The following HS6ST3 variants were observed in gnomAD, a reference collection of about 807,000 sequenced individuals.
The protein encoded by HS6ST3 is heparan-sulfate 6-O-sulfotransferase 3.
In HS6ST3, 12 loss-of-function variants were observed where a neutral mutation model predicts 36.7. The ratio of observed to expected loss-of-function variants is 0.33; its 90% CI spans 0.21 to 0.53. The LOEUF (loss-of-function observed/expected upper bound fraction) is 0.53. HS6ST3 is among the 20% of genes least tolerant of loss of function. The pLI is 0.95. For missense variants in HS6ST3, 584 were observed against 640.9 expected (o/e 0.91, Z 0.96); for synonymous variants, 240 against 257.5 (o/e 0.93, Z 0.65).
intron 1 of HS6ST3, among the ~76,000 whole-genome samples, chr13:96,741,373 A>G (rs1343623452): frequency 6.6e-6 from 1 of 152,192 alleles, no homozygotes; most frequent in African/African-American, 2.4e-5. Flanking sequence ...ATAAAGATCA[A>G]ATGTAATCAT....
chr13:96,675,970 C>T (rs2056697637), intron 1 of HS6ST3, among the ~76,000 whole-genome samples: 1 of 152,062 alleles, frequency 6.6e-6, no homozygotes, highest in Non-Finnish European at 1.5e-5. Flanking sequence ...CCTGGCCACC[C>T]TATAGGGTCA....
chr13:96,324,675 C>A (rs1229343431), intron 1 of HS6ST3, among the ~76,000 whole-genome samples: 1 of 152,106 alleles, frequency 6.6e-6, no homozygotes, highest in Non-Finnish European at 1.5e-5. Context: ...TGACTGGTAT[C>A]TTTATGAAAA....
chr13:96,097,510 A>G lies in HS6ST3; in HGVS notation c.707+5941A>G, dbSNP rs1310158524. Among the ~76,000 whole-genome samples, 5 of 152,328 alleles carry G rather than the reference A, an allele frequency of 3.3e-5. No individual in the cohort carries two copies. In the East Asian group the frequency reaches 5.8e-4, roughly 18 times the overall value. ...TGGAAAATCCAAATTAATATTTTGT[A>G]GTAATCACTTATCTTGTTTTTGAGT... is the stretch of plus-strand genomic sequence containing the variant. On this transcript the variant is annotated intron_variant, in intron 1 of 1. Coordinates refer to ENST00000376705, the MANE Select transcript of HS6ST3 (RefSeq NM_153456.4).
At chr13:96,752,547 A>G (rs888519823) in intron 1 of HS6ST3, among the ~76,000 whole-genome samples, 9 of 152,166 alleles carry the variant, frequency 5.9e-5, no homozygotes, top group Non-Finnish European at 1.0e-4. Flanking sequence ...TTCCCTAATT[A>G]CTAGCTGAGT....
chr13:96,818,862 A>G (rs16953600), intron 1 of HS6ST3, among the ~76,000 whole-genome samples: 2,776 of 152,332 alleles, frequency 0.018, 77 homozygotes, highest in African/African-American at 0.063. Context: ...AAAAGTCTAC[A>G]AGGGTTGTAT....
intron 1 of HS6ST3, among the ~76,000 whole-genome samples, chr13:96,278,000 G>A (rs1451528987): frequency 6.6e-6 from 1 of 152,130 alleles, no homozygotes; most frequent in African/African-American, 2.4e-5. Context: ...TTAAGTTTTA[G>A]CTTAACTAAT....
chr13:96,799,017 A>C (rs1212588680), intron 1 of HS6ST3, among the ~76,000 whole-genome samples: 3 of 152,072 alleles, frequency 2.0e-5, no homozygotes, highest in Non-Finnish European at 4.4e-5. Flanking sequence ...ATGAGAGCCC[A>C]CCCTAACATC....
At chr13:96,424,518 G>C (rs2055576886) in intron 1 of HS6ST3, among the ~76,000 whole-genome samples, 1 of 152,188 alleles carries the variant, frequency 6.6e-6, no homozygotes. Context: ...CAACTGGATA[G>C]CATACAAATG....
At chr13:96,608,372 G>A (rs1052449749) in intron 1 of HS6ST3, among the ~76,000 whole-genome samples, 1 of 152,200 alleles carries the variant, frequency 6.6e-6, no homozygotes, top group Non-Finnish European at 1.5e-5. Flanking sequence ...AGCACAAACA[G>A]CTGCTAAGAT....
At chr13:96,548,859 C>G (rs934258273) in intron 1 of HS6ST3, among the ~76,000 whole-genome samples, 7 of 152,182 alleles carry the variant, frequency 4.6e-5, no homozygotes, top group Non-Finnish European at 1.0e-4. Flanking sequence ...CTGCCTTACT[C>G]GGTCTATGGA....
chr13:96,605,949 A>G (rs543175790), intron 1 of HS6ST3, among the ~76,000 whole-genome samples: 2 of 152,286 alleles, frequency 1.3e-5, no homozygotes, highest in Non-Finnish European at 2.9e-5. Flanking sequence ...GAAGATATAC[A>G]AGCAGCCAAC....
chr13:96,452,358 C>G (rs577010361), intron 1 of HS6ST3, among the ~76,000 whole-genome samples: 3 of 152,106 alleles, frequency 2.0e-5, no homozygotes, highest in African/African-American at 7.2e-5. Context: ...TTTTCTTACT[C>G]CAAGAAATTA....
At chr13:96,823,511 A>G (rs987054748) in intron 1 of HS6ST3, among the ~76,000 whole-genome samples, 2 of 152,242 alleles carry the variant, frequency 1.3e-5, no homozygotes, top group African/African-American at 4.8e-5. Flanking sequence ...TATGTTGTGC[A>G]TTATGAATTC....
In HS6ST3 at chr13:96,832,760, T is replaced by A. The variant is rs759719846; in HGVS notation, c.978T>A (p.Thr326=). The A allele has an allele frequency of 1.5e-5, 25 of 1,614,128 alleles. No individual in the cohort carries two copies. The Middle Eastern group carries it at 3.3e-3, about 213-fold the overall frequency. ...GCCTGGTGGGCTGCTATAACTTGAC[T>A]TTCATGAACGAGAGTGAAAGAAACA... The part of the protein sequence containing the change: ...DLSLVGCYNL[T]FMNESERNTI... Residue 326 remains threonine (T), a synonymous_variant, in exon 2 of 2, where the codon ACT becomes ACA. Transcript: ENST00000376705.
chr13:96,372,850 C>T (rs2055296433), intron 1 of HS6ST3, among the ~76,000 whole-genome samples: 1 of 152,046 alleles, frequency 6.6e-6, no homozygotes, highest in Admixed American at 6.6e-5. Context: ...ATTTATTGTG[C>T]TCTTTTAGAA....
At chr13:96,198,632 T>C (rs889630850) in intron 1 of HS6ST3, among the ~76,000 whole-genome samples, 5 of 152,234 alleles carry the variant, frequency 3.3e-5, no homozygotes, top group African/African-American at 1.2e-4. Context: ...GCAGTCTCTT[T>C]GCTAAAACAT....
intron 1 of HS6ST3, among the ~76,000 whole-genome samples, chr13:96,414,551 C>T (rs181112929): frequency 4.7e-4 from 71 of 151,450 alleles, no homozygotes; most frequent in African/African-American, 1.6e-3. Flanking sequence ...GGTGTGATCT[C>T]GGCTCACTGC....
chr13:96,344,120 T>TTA (rs1449695433), intron 1 of HS6ST3, among the ~76,000 whole-genome samples: 2 of 152,200 alleles, frequency 1.3e-5, no homozygotes, highest in Non-Finnish European at 2.9e-5. Context: ...ATGGTGTATA[T>TTA]TATATAGGTG....
At chr13:96,423,313 C>A (rs1027349953) in intron 1 of HS6ST3, among the ~76,000 whole-genome samples, 3 of 152,094 alleles carry the variant, frequency 2.0e-5, no homozygotes, top group African/African-American at 7.2e-5. Flanking sequence ...TAGGACTGTT[C>A]TGGGTCTTGG....
Sources: allele counts gnomAD v4.1 joint callset (sites outside exome capture counted in the v4.1 genomes callset), GRCh38; gene constraint gnomAD v4.1.1; transcripts MANE v1.5; gene names NCBI Gene and HGNC (gene_info 2026-07-23, HGNC 2026-07-21).